The following NUFIP1 variants were observed in gnomAD, a reference collection of about 807,000 sequenced individuals.
NUFIP1 encodes FMR1-interacting protein NUFIP1.
In NUFIP1, 38 loss-of-function variants were observed where a neutral mutation model predicts 56.2. The observed-to-expected ratio is 0.68, with a 90% CI of 0.52 to 0.89. The LOEUF (loss-of-function observed/expected upper bound fraction) is 0.89, where lower values mean the gene tolerates loss of function less well. Ranked by LOEUF, NUFIP1 falls within the 40% of genes least tolerant of loss-of-function variation. The pLI is 0.00. For missense variants in NUFIP1, 567 were observed against 605.8 expected, an observed-to-expected ratio of 0.94 and a Z score of 0.67; for synonymous variants, 215 against 212.4, an observed-to-expected ratio of 1.01 and a Z score of -0.10.
intron 6 of NUFIP1, among the ~76,000 whole-genome samples, chr13:44,961,125 CG>C (rs1328105794): frequency 6.7e-6 from 1 of 149,404 alleles, no homozygotes; most frequent in Non-Finnish European, 1.5e-5. Flanking sequence ...TGTGTGTGTG[CG>C]GGGGCGGGGA....
chr13:44,956,282 G>GA, intron 7 of NUFIP1, among the ~76,000 whole-genome samples: 1 of 698 alleles, frequency 1.4e-3, no homozygotes. Context: ...ATATGAAAAC[G>GA]GGGATAGATT....
Position 44,949,657 on chromosome 13 carries a change from G to A in NUFIP1, c.1138+65C>T, listed in dbSNP as rs192956665. On this transcript the variant is annotated intron_variant, in intron 8 of 9. Coordinates refer to ENST00000379161, the MANE Select transcript of NUFIP1 (RefSeq NM_012345.3). ...TGCACATCCTGGATGTTATTAATGC[G>A]CAGCATGCACAAAAGGCAAAAAGCA... 86 of 899,344 alleles carry A rather than the reference G, an allele frequency of 9.6e-5. 1 individual carries two copies. Among genetic ancestry groups the A allele is most frequent in the East Asian group, 3.5e-4 (14 of 39,952 alleles). The allele number at this position is 899,344 out of a possible 1,614,324, so 55.7% of individuals were successfully genotyped here.
chr13:44,988,409 G>C (rs371857714), intron 1 of NUFIP1, among the ~76,000 whole-genome samples: 1 of 151,854 alleles, frequency 6.6e-6, no homozygotes, highest in Non-Finnish European at 1.5e-5. Context: ...AGTAGATCGC[G>C]CTACTCTTCA....
intron 8 of NUFIP1, among the ~76,000 whole-genome samples, chr13:44,948,357 C>T (rs369780370): frequency 1.2e-4 from 18 of 151,846 alleles, no homozygotes; most frequent in African/African-American, 4.1e-4. Context: ...GGCCAGGCTG[C>T]TCTCGAACTC....
At chr13:44,967,572 C>T (rs73179682) in intron 5 of NUFIP1, among the ~76,000 whole-genome samples, 5,283 of 152,026 alleles carry the variant, frequency 0.035, 128 homozygotes, top group East Asian at 0.12. Context: ...GTATGAAACA[C>T]AGTTACAGGC....
chr13:44,974,460 G>A (rs918641112), intron 5 of NUFIP1, among the ~76,000 whole-genome samples: 5 of 152,212 alleles, frequency 3.3e-5, no homozygotes, highest in African/African-American at 1.2e-4. Flanking sequence ...CTGGACGGAT[G>A]GAAAGAGGAG....
chr13:44,941,118 G>C lies in NUFIP1; in HGVS notation c.*88C>G, dbSNP rs778259248. ...ACAATTTAATTACAAATCCAATTTT[G>C]ACGGAAAAAAGGGTTTTGGTTTTCC... On this transcript the variant is annotated 3_prime_UTR_variant, in exon 10 of 10. Transcript: ENST00000379161. 6 of 655,010 alleles carry C rather than the reference G, an allele frequency of 9.2e-6. No individual in the cohort carries two copies. Among genetic ancestry groups the C allele is most frequent in the African/African-American group, 3.9e-5 (2 of 51,848 alleles). The allele number at this position is 655,010 out of a possible 1,614,324, so 40.6% of individuals were successfully genotyped here.
At chr13:44,946,243 T>C (rs1011307696) in intron 8 of NUFIP1, among the ~76,000 whole-genome samples, 1 of 152,156 alleles carries the variant, frequency 6.6e-6, no homozygotes, top group African/African-American at 2.4e-5. Flanking sequence ...TTTCTTGAGA[T>C]TTACAACATT....
At chr13:44,981,136 A>C (rs1872173915) in intron 2 of NUFIP1, among the ~76,000 whole-genome samples, 1 of 152,226 alleles carries the variant, frequency 6.6e-6, no homozygotes, top group South Asian at 2.1e-4. Context: ...AAATGATCTG[A>C]AAATAAATAG....
chr13:44,945,943 A>G (rs1007653228), intron 8 of NUFIP1, among the ~76,000 whole-genome samples: 1 of 152,250 alleles, frequency 6.6e-6, no homozygotes, highest in East Asian at 1.9e-4. Flanking sequence ...AAAGAAGTAT[A>G]GGGACAAGTG....
chr13:44,970,818 G>T (rs561154555), intron 5 of NUFIP1, among the ~76,000 whole-genome samples: 1 of 152,096 alleles, frequency 6.6e-6, no homozygotes, highest in South Asian at 2.1e-4. Flanking sequence ...GGGATTACAG[G>T]TGCGTGCCAC....
At chr13:44,960,643 T>C (rs1026497403) in intron 6 of NUFIP1, among the ~76,000 whole-genome samples, 2 of 152,206 alleles carry the variant, frequency 1.3e-5, no homozygotes, top group African/African-American at 4.8e-5. Flanking sequence ...ATGAACCCTC[T>C]GAAATAGGTA....
In NUFIP1 at chr13:44,939,856, T is replaced by C. The variant is rs1421699502; in HGVS notation, c.*1350A>G. ...GTCATCAATGAAAGTAGTCCAGGAGTCCATGAATTCATTTATTAACCCATA... is the reference window on the plus strand; with the variant it reads ...GTCATCAATGAAAGTAGTCCAGGAGCCCATGAATTCATTTATTAACCCATA... On this transcript the variant is annotated 3_prime_UTR_variant, in exon 10 of 10. Transcript: ENST00000379161. 7 of 137,398 alleles carry C rather than the reference T, an allele frequency of 5.1e-5. No homozygotes were observed. The highest frequency in any genetic ancestry group is 9.6e-5 in the Non-Finnish European group (6 of 62,696). 8.5% of individuals were successfully genotyped at this position (137,398 alleles called of 1,614,324 possible).
At chr13:44,983,702 TG>T (rs1307146556) in intron 1 of NUFIP1, among the ~76,000 whole-genome samples, 1 of 152,058 alleles carries the variant, frequency 6.6e-6, no homozygotes, top group African/African-American at 2.4e-5. Flanking sequence ...GAGGCTGAGA[TG>T]GGAGAATCAC....
At chr13:44,972,207 T>C (rs1871828427) in intron 5 of NUFIP1, among the ~76,000 whole-genome samples, 1 of 152,184 alleles carries the variant, frequency 6.6e-6, no homozygotes, top group South Asian at 2.1e-4. Flanking sequence ...CAAAAACCTA[T>C]ACGTGAATGT....
intron 2 of NUFIP1, 131 bp from the exon 3 acceptor site, chr13:44,980,951 G>T: frequency 1.7e-6 from 1 of 572,386 alleles, no homozygotes; most frequent in South Asian, 2.4e-5. Flanking sequence ...AGAAGCTTGT[G>T]AGTATATTTC....
Position 44,975,878 on chromosome 13 carries a change from C to T in NUFIP1, c.734+3312G>A, listed in dbSNP as rs1871955355. 2.0e-5 allele frequency among the ~76,000 whole-genome samples: 3 copies of T among 152,180 alleles called. No homozygotes were observed. In the South Asian group the frequency reaches 6.2e-4, roughly 31 times the overall value. ...CCCAGTTTAAATTATTTAATTTATA[C>T]CACCACAAGATAGAAGAACCGAAGT... On this transcript the variant is annotated intron_variant, in intron 5 of 9. Transcript: ENST00000379161.
rs1871578199 is a variant in NUFIP1, at chr13:44,965,831, A to C, written c.827+13T>G. 1 of 1,508,450 alleles carries C rather than the reference A, an allele frequency of 6.6e-7. No homozygotes were observed. The highest frequency in any genetic ancestry group is 9.0e-7 in the Non-Finnish European group (1 of 1,107,420). The allele number at this position is 1,508,450 out of a possible 1,614,324, so 93.4% of individuals were successfully genotyped here. A position where few individuals can be genotyped will look rare whatever the true frequency, so the allele number is the denominator to read the frequency against. On this transcript the variant is annotated intron_variant, in intron 6 of 9. Transcript: ENST00000379161. Reference sequence around the variant, plus strand: ...GTGCTCCTTTTCATTATTCATAAGCATAAGGAGCTTACCCATATTGTGTTG... The same window carrying C: ...GTGCTCCTTTTCATTATTCATAAGCCTAAGGAGCTTACCCATATTGTGTTG...
intron 8 of NUFIP1, among the ~76,000 whole-genome samples, chr13:44,949,422 C>T (rs112313525): frequency 1.9e-4 from 29 of 151,736 alleles, no homozygotes; most frequent in African/African-American, 7.0e-4. Flanking sequence ...GGGATGGTCT[C>T]GATCTCCTGA....
Sources: allele counts gnomAD v4.1 joint callset (sites outside exome capture counted in the v4.1 genomes callset), GRCh38; gene constraint gnomAD v4.1.1; transcripts MANE v1.5; gene names NCBI Gene and HGNC (gene_info 2026-07-23, HGNC 2026-07-21).